LMNA: variants seen among roughly 807,000 people sequenced by gnomAD.
LMNA encodes the protein lamin.
LMNA carries 20 observed loss-of-function variants against 70.4 expected under a neutral mutation model. The ratio of observed to expected loss-of-function variants is 0.28; its 90% confidence interval spans 0.20 to 0.41. The LOEUF is 0.41. Ranked by LOEUF, LMNA falls within the 10% of genes least tolerant of loss-of-function variation. The pLI is 1.00. For missense variants in LMNA, 652 were observed against 917.2 expected, an observed-to-expected ratio of 0.71 and a Z score of 3.73; for synonymous variants, 339 against 372.8, an observed-to-expected ratio of 0.91 and a Z score of 1.04.
chr1:156,083,216 AG>A (rs943827619), intron 2 of LMNA: 1 of 152,268 alleles, frequency 6.6e-6, no homozygotes, highest in Non-Finnish European at 1.5e-5. Context: ...TGCTCGGTGG[AG>A]GGGGTCGGGA....
chr1:156,082,645 G>A (rs1230408363), exon 1 of LMNA: 1 of 152,438 alleles, frequency 6.6e-6, no homozygotes, highest in African/African-American at 2.4e-5. Flanking sequence ...GGCAAGCTAG[G>A]AGTGGGATGG....
chr1:156,129,097 A>G (rs2102860005), intron 1 of LMNA, among the ~76,000 whole-genome samples: 1 of 152,328 alleles, frequency 6.6e-6, no homozygotes, highest in East Asian at 1.9e-4. Flanking sequence ...TCTGACTGAG[A>G]CAGAGGAGGG....
chr1:156,128,526 G>T (rs1348571383), intron 1 of LMNA, among the ~76,000 whole-genome samples: 1 of 152,200 alleles, frequency 6.6e-6, no homozygotes, highest in Non-Finnish European at 1.5e-5. Context: ...GCTCAGGCTG[G>T]CTGGTCAGGG....
Position 156,092,760 on chromosome 1 carries a change from T to C in LMNA, c.-207+2178T>C, listed in dbSNP as rs547573100. Among the ~76,000 whole-genome samples, 11 of 151,446 alleles carry C rather than the reference T, an allele frequency of 7.3e-5. No homozygotes were observed. In the East Asian group the frequency reaches 2.1e-3, roughly 29 times the overall value. On this transcript the variant is annotated intron_variant, in intron 3 of 12. Transcript: ENST00000368301. Reference sequence around the variant, plus strand: ...TTCCCCGTTGCCATCAGATTCACACTCCTTAGTGTGGTGATGATGTCCCTC... The same window carrying C: ...TTCCCCGTTGCCATCAGATTCACACCCCTTAGTGTGGTGATGATGTCCCTC...
At chr1:156,099,118 C>T (rs1649047524) in intron 3 of LMNA, among the ~76,000 whole-genome samples, 1 of 152,126 alleles carries the variant, frequency 6.6e-6, no homozygotes, top group Non-Finnish European at 1.5e-5. Context: ...AAGGCTGCCC[C>T]ACTGTCAGCC....
chr1:156,135,029 T>A lies in LMNA; in HGVS notation c.810+54T>A. ...GCCTCTGCCCTTGGCAGCCCTACCC[T>A]TACCCACGCTGGGCTATGCCTTCTG... is the stretch of plus-strand genomic sequence containing the variant. On this transcript the variant is annotated intron_variant, in intron 4 of 11. Transcript: ENST00000368300. The surrounding 1 kb of genome is among the most constrained non-coding windows in gnomAD (Gnocchi z 4.8). 7 of 1,612,298 alleles carry A rather than the reference T, an allele frequency of 4.3e-6. No homozygotes were observed. The highest frequency in any genetic ancestry group is 5.9e-6 in the Non-Finnish European group (7 of 1,178,686).
At chr1:156,087,220 A>G (rs1234139868) in intron 2 of LMNA, among the ~76,000 whole-genome samples, 1 of 149,316 alleles carries the variant, frequency 6.7e-6, no homozygotes, top group Non-Finnish European at 1.5e-5. Context: ...GTATAATGAG[A>G]TTTTCCCATT....
intron 1 of LMNA, chr1:156,126,520 C>G (rs1402045138): frequency 1.4e-6 from 1 of 703,026 alleles, no homozygotes; most frequent in Non-Finnish European, 2.6e-6. Context: ...CGGTGCCCAC[C>G]TAGCCCCTTT....
intron 1 of LMNA, chr1:156,126,590 G>A (rs1201949669): frequency 2.3e-6 from 2 of 860,516 alleles, no homozygotes; most frequent in East Asian, 2.5e-5. Context: ...CTGCAGCTGG[G>A]GAGCCGGACT....
chr1:156,111,751 C>T (rs114427537), upstream of LMNA, among the ~76,000 whole-genome samples: 2,154 of 152,326 alleles, frequency 0.014, 18 homozygotes, highest in South Asian at 0.05. Context: ...TCTACCCATA[C>T]TACAGGTAAG....
At chr1:156,126,569 G>GC (rs1558123081) in intron 1 of LMNA, 1 of 794,644 alleles carries the variant, frequency 1.3e-6, no homozygotes, top group Non-Finnish European at 2.2e-6. Context: ...AGCCCCAAGG[G>GC]CCCGGGCCTG....
intron 3 of LMNA, among the ~76,000 whole-genome samples, chr1:156,092,679 CAAAA>C (rs1189267703): frequency 9.7e-6 from 1 of 103,176 alleles, no homozygotes. Flanking sequence ...GACTCCATCT[CAAAA>C]AAAAAAAAAA....
At chr1:156,112,977 G>A (rs1649594898), upstream of LMNA, among the ~76,000 whole-genome samples, 1 of 152,092 alleles carries the variant, frequency 6.6e-6, no homozygotes, top group African/African-American at 2.4e-5. Context: ...TGGGACCCAG[G>A]CCTCAATGCT....
At chr1:156,084,316 A>T (rs1648387913) in intron 2 of LMNA, among the ~76,000 whole-genome samples, 1 of 52,164 alleles carries the variant, frequency 1.9e-5, no homozygotes, top group African/African-American at 6.4e-5. Context: ...TGAGCTGAGG[A>T]TCTCAGAAGG....
chr1:156,109,171 A>G (rs1572327446), intron 3 of LMNA, among the ~76,000 whole-genome samples: 1 of 152,354 alleles, frequency 6.6e-6, no homozygotes, highest in South Asian at 2.1e-4. Context: ...AAGGTAGTCC[A>G]TAAATATTCC....
At position 156,128,713 on chromosome 1, in the gene LMNA, C is replaced by T. The variant is rs566364164; in HGVS notation, c.357-1904C>T. Among the ~76,000 whole-genome samples the T allele has an allele frequency of 1.6e-3, 240 of 152,350 alleles. 2 individuals are homozygous for T. The highest frequency in any genetic ancestry group is 5.5e-3 in the African/African-American group (230 of 41,580). Reference sequence around the variant, plus strand: ...AATTGACACTGGGCCATTCACCTTCCTCCTTTGCACCTCAGTTTCCTCATC... The same window carrying T: ...AATTGACACTGGGCCATTCACCTTCTTCCTTTGCACCTCAGTTTCCTCATC... On this transcript the variant is annotated intron_variant, in intron 1 of 11. Coordinates refer to ENST00000368300, the MANE Select transcript of LMNA (RefSeq NM_170707.4).
intron 3 of LMNA, among the ~76,000 whole-genome samples, chr1:156,097,820 C>A (rs1162942219): frequency 1.3e-5 from 2 of 152,238 alleles, no homozygotes; most frequent in African/African-American, 4.8e-5. Flanking sequence ...GGGCAGCCAG[C>A]CTACCTCTCA....
At chr1:156,092,586 G>A (rs1016983212) in intron 3 of LMNA, among the ~76,000 whole-genome samples, 4 of 151,750 alleles carry the variant, frequency 2.6e-5, no homozygotes, top group Admixed American at 2.6e-4. Context: ...GGCTGAGGCA[G>A]GAGAATTGCT....
chr1:156,106,124 G>GACTC (rs1259387326), intron 3 of LMNA, among the ~76,000 whole-genome samples: 1 of 149,072 alleles, frequency 6.7e-6, no homozygotes, highest in Non-Finnish European at 1.5e-5. Flanking sequence ...GACACAGCGA[G>GACTC]ACTCCGTCTC....
Sources: allele counts gnomAD v4.1 joint callset (sites outside exome capture counted in the v4.1 genomes callset), GRCh38; gene constraint gnomAD v4.1.1; non-coding constraint Gnocchi (gnomAD v3.1); transcripts MANE v1.5; gene names NCBI Gene and HGNC (gene_info 2026-07-23, HGNC 2026-07-21).